Variants in PRORP observed in about 807,000 individuals in gnomAD.
PRORP encodes the protein mitochondrial ribonuclease P catalytic subunit.
PRORP carries 51 observed loss-of-function variants against 59.4 expected under a neutral mutation model. The ratio of observed to expected loss-of-function variants is 0.86; its 90% CI spans 0.69 to 1.08. The LOEUF is 1.08. Ranked by LOEUF, PRORP falls within the 50% of genes least tolerant of loss-of-function variation. PRORP has a pLI of 0.00. For synonymous variants in PRORP, 231 were observed against 245.6 expected (o/e 0.94, Z 0.55); for missense variants, 646 against 690.3 (o/e 0.94, Z 0.72).
intron 4 of PRORP, among the ~76,000 whole-genome samples, chr14:35,171,860 GT>G (rs2048318854): frequency 6.6e-6 from 1 of 151,794 alleles, no homozygotes; most frequent in South Asian, 2.1e-4. Flanking sequence ...ATAATTTTTT[GT>G]TGCTCTGTCT....
intron 4 of PRORP, among the ~76,000 whole-genome samples, chr14:35,139,715 G>A (rs2047442097): frequency 6.9e-6 from 1 of 145,970 alleles, no homozygotes; most frequent in Non-Finnish European, 1.5e-5. Context: ...TTGTGCTTTT[G>A]TTATTGTTTC....
intron 5 of PRORP, among the ~76,000 whole-genome samples, chr14:35,225,493 T>C (rs2049910731): frequency 6.6e-6 from 1 of 151,896 alleles, no homozygotes; most frequent in Non-Finnish European, 1.5e-5. Flanking sequence ...ATTACAGGTG[T>C]CCACCACCAT....
At chr14:35,221,830 T>C (rs944264599) in intron 5 of PRORP, among the ~76,000 whole-genome samples, 3 of 152,222 alleles carry the variant, frequency 2.0e-5, no homozygotes, top group Non-Finnish European at 4.4e-5. Context: ...AGACTTCTAT[T>C]CTTCCCTTTC....
At chr14:35,245,115 A>T (rs373092221) in intron 5 of PRORP, among the ~76,000 whole-genome samples, 14 of 152,350 alleles carry the variant, frequency 9.2e-5, no homozygotes, top group African/African-American at 3.1e-4. Context: ...GTACCCAAAA[A>T]CATCCAACAG....
intron 4 of PRORP, among the ~76,000 whole-genome samples, chr14:35,169,865 G>A (rs934829238): frequency 6.6e-6 from 1 of 152,176 alleles, no homozygotes; most frequent in East Asian, 1.9e-4. Context: ...ATTTGTCTTC[G>A]AAGTCCTCAC....
intron 2 of PRORP, among the ~76,000 whole-genome samples, chr14:35,125,303 G>C (rs1203502319): frequency 6.6e-6 from 1 of 152,136 alleles, no homozygotes; most frequent in Non-Finnish European, 1.5e-5. Context: ...TTTGGCTGCT[G>C]TCTCTCTAAA....
chr14:35,253,260 G>A (rs2050655360), intron 5 of PRORP, among the ~76,000 whole-genome samples: 1 of 151,604 alleles, frequency 6.6e-6, no homozygotes, highest in Non-Finnish European at 1.5e-5. Flanking sequence ...AGCCCAGGAG[G>A]TCGAGGCTGC....
intron 4 of PRORP, among the ~76,000 whole-genome samples, chr14:35,141,586 A>G (rs1226860460): frequency 6.9e-6 from 1 of 145,174 alleles, no homozygotes; most frequent in Non-Finnish European, 1.5e-5. Context: ...TGATAATAAC[A>G]TTAAATTACA....
At chr14:35,169,207 T>A (rs1217383338) in intron 4 of PRORP, among the ~76,000 whole-genome samples, 1 of 152,144 alleles carries the variant, frequency 6.6e-6, no homozygotes. Flanking sequence ...ATTTCCTAAT[T>A]CCCTTTGTAA....
intron 5 of PRORP, among the ~76,000 whole-genome samples, chr14:35,224,775 A>G (rs2049890448): frequency 6.6e-6 from 1 of 152,198 alleles, no homozygotes; most frequent in Non-Finnish European, 1.5e-5. Context: ...CTTAGTTAAA[A>G]CAATGTTCCT....
At chr14:35,172,323 A>G (rs1484091710) in intron 4 of PRORP, among the ~76,000 whole-genome samples, 1 of 152,000 alleles carries the variant, frequency 6.6e-6, no homozygotes, top group African/African-American at 2.4e-5. Context: ...TACTGGGATT[A>G]CAGGCAGAAT....
At chr14:35,135,562 G>C (rs2047351350) in intron 4 of PRORP, among the ~76,000 whole-genome samples, 1 of 152,150 alleles carries the variant, frequency 6.6e-6, no homozygotes, top group African/African-American at 2.4e-5. Flanking sequence ...GTGGCATCCA[G>C]GAGAGGGCCT....
At chr14:35,199,142 T>C (rs932898492) in intron 5 of PRORP, among the ~76,000 whole-genome samples, 3 of 151,766 alleles carry the variant, frequency 2.0e-5, no homozygotes, top group African/African-American at 7.3e-5. Flanking sequence ...CACTCCAGCC[T>C]GGGCAACAAG....
intron 5 of PRORP, among the ~76,000 whole-genome samples, chr14:35,242,320 C>T (rs1487353881): frequency 6.6e-6 from 1 of 152,146 alleles, no homozygotes; most frequent in East Asian, 1.9e-4. Flanking sequence ...AACCTTTAGA[C>T]ACATTCACAG....
chr14:35,237,019 C>CTCCTTCTCTTCCT (rs201173038), intron 5 of PRORP, among the ~76,000 whole-genome samples: 2 of 125,362 alleles, frequency 1.6e-5, no homozygotes, highest in Non-Finnish European at 1.8e-5. Context: ...CCTTCCTTCC[C>CTCCTTCTCTTCCT]TCCTTCTCTT....
rs1245104566 is a variant in PRORP at position 35,270,592 on chromosome 14, T to A, written c.1616T>A (p.Phe539Tyr). 1 of 1,613,380 alleles carries A rather than the reference T, an allele frequency of 6.2e-7. No homozygotes were observed. The highest frequency in any genetic ancestry group is 8.5e-7 in the Non-Finnish European group (1 of 1,179,452). The change falls in exon 7 of 8, where the codon TTT becomes TAT. Residue 539 changes from phenylalanine to tyrosine, a missense_variant. Physicochemically the swap from Phe to Tyr is conservative, Grantham distance 22 (BLOSUM62 3). Transcript: ENST00000534898. ...VNRFPGSKLT[F>Y]QRILSYDTVV... ...AGGTTTCCAGGATCAAAACTAACCT[T>A]TCAGGTAATGGTACCTGTTCTTTAT...
At chr14:35,131,814 T>C (rs1171150985) in intron 4 of PRORP, among the ~76,000 whole-genome samples, 2 of 149,528 alleles carry the variant, frequency 1.3e-5, no homozygotes, top group East Asian at 4.0e-4. Context: ...TAGATAGGTG[T>C]GAGCCACCAC....
intron 4 of PRORP, among the ~76,000 whole-genome samples, chr14:35,164,723 T>C (rs868657084): frequency 6.6e-6 from 1 of 152,112 alleles, no homozygotes. Flanking sequence ...AACCTCTACA[T>C]GGATCTGCTG....
rs563018240 is a variant in PRORP at position 35,147,393 on chromosome 14, A to C, written c.1167+19782A>C. 3.3e-5 allele frequency among the ~76,000 whole-genome samples: 5 copies of C among 152,216 alleles called. No homozygotes were observed. In the East Asian group the frequency reaches 9.7e-4, roughly 29 times the overall value. On this transcript the variant is annotated intron_variant, in intron 4 of 7. Transcript: ENST00000534898. ...GGTCTCACTCTGTCACCCAGGCTGG[A>C]GTGCACTGGCAAGATCATGGCTTAC...
Sources: gnomAD v4.1 joint callset for allele counts (sites outside exome capture counted in the v4.1 genomes callset) on GRCh38, gnomAD v4.1.1 for gene constraint, MANE v1.5 for transcripts, NCBI Gene and HGNC (gene_info 2026-07-23, HGNC 2026-07-21) for gene names.